The following DNAH6 variants were observed in gnomAD, a reference collection of about 807,000 sequenced individuals.
DNAH6 encodes the protein axonemal beta dynein heavy chain 6.
A neutral mutation model predicts 491.4 loss-of-function variants in DNAH6; 340 were observed. That is an observed-to-expected ratio of 0.69 (90% CI 0.63 to 0.76). DNAH6 has a LOEUF of 0.76. Among genes scored for constraint, DNAH6 ranks in the 30% least tolerant of loss-of-function variants. The pLI is 0.00. For synonymous variants in DNAH6, 1,603 were observed against 1,686.1 expected, an observed-to-expected ratio of 0.95 and a Z score of 1.21; for missense variants, 4,443 against 4,972.2, an observed-to-expected ratio of 0.89 and a Z score of 3.20.
intron 4 of DNAH6, among the ~76,000 whole-genome samples, chr2:84,536,348 G>T (rs1183495281): frequency 1.3e-5 from 2 of 152,024 alleles, no homozygotes; most frequent in Non-Finnish European, 2.9e-5. Flanking sequence ...TACGGCAGCT[G>T]CCAGGAAATA....
chr2:84,585,908 C>G (rs1683487992), intron 15 of DNAH6, among the ~76,000 whole-genome samples: 1 of 152,164 alleles, frequency 6.6e-6, no homozygotes, highest in Admixed American at 6.5e-5. Flanking sequence ...CTACACTGGT[C>G]TGTGGGACTG....
At chr2:84,735,252 G>A (rs1313841788) in intron 62 of DNAH6, among the ~76,000 whole-genome samples, 1 of 152,182 alleles carries the variant, frequency 6.6e-6, no homozygotes, top group Non-Finnish European at 1.5e-5. Flanking sequence ...TGGTTGCATA[G>A]TATTCCATGT....
In DNAH6 at chr2:84,604,314, G is replaced by T. The variant is rs796824084; in HGVS notation, c.2869-25G>T. 11 of 1,524,756 alleles carry T rather than the reference G, an allele frequency of 7.2e-6. No individual in the cohort carries two copies. In the African/African-American group the frequency reaches 9.6e-5, roughly 13 times the overall value. 94.5% of individuals were successfully genotyped at this position (1,524,756 alleles called of 1,614,324 possible). A position where few individuals can be genotyped will look rare whatever the true frequency, so the allele number is the denominator to read the frequency against. ...ATATTTTTAAGATAAAAAGCTTCAT[G>T]TCTCTGAGAGTGTTTGTTTTTCAGC... On this transcript the variant is annotated intron_variant, in intron 18 of 76. Coordinates refer to ENST00000389394, the MANE Select transcript of DNAH6 (RefSeq NM_001370.2).
rs939442575 is a variant in DNAH6 at position 84,813,927 on chromosome 2, A to G, written c.11999-44A>G. ...TGAAGGGGAATAGTGCCTGGGGAGT[A>G]GCAGTGTTGTTTGAACGCAGCTTTC... On this transcript the variant is annotated intron_variant, in intron 74 of 76. Transcript: ENST00000389394. 5 of 1,545,502 alleles carry G rather than the reference A, an allele frequency of 3.2e-6. No homozygotes were observed. The Admixed American group carries it at 9.8e-5, about 30-fold the overall frequency.
Position 84,653,876 on chromosome 2 carries a change from T to C in DNAH6, c.5634+2T>C, listed in dbSNP as rs147684586. On this transcript the variant is annotated splice_donor_variant, in intron 34 of 76. Transcript: ENST00000389394. LOFTEE classifies it high-confidence loss of function. ...CCTCAAATTCACATGCTTTTTGAGGTAAGTGTACACATTACTGTGGAGTGA... is the reference window on the plus strand; with the variant it reads ...CCTCAAATTCACATGCTTTTTGAGGCAAGTGTACACATTACTGTGGAGTGA... 177 of 1,544,584 alleles carry C rather than the reference T, an allele frequency of 1.1e-4. 1 individual carries two copies. The African/African-American group carries it at 2.1e-3, about 19-fold the overall frequency.
chr2:84,490,719 A>T, the DNAH6 span, among the ~76,000 whole-genome samples: 38 of 151,890 alleles, frequency 2.5e-4, no homozygotes, highest in Non-Finnish European at 8.8e-5. Context: ...GTGCCACCAC[A>T]CTCGGCTAAT....
At chr2:84,599,470 G>C (rs981898675) in intron 18 of DNAH6, among the ~76,000 whole-genome samples, 9 of 151,706 alleles carry the variant, frequency 5.9e-5, no homozygotes, top group Non-Finnish European at 1.3e-4. Context: ...TGTTTTCTAT[G>C]TTTAGGTATA....
intron 16 of DNAH6, among the ~76,000 whole-genome samples, chr2:84,590,826 G>A (rs1684047659): frequency 6.6e-6 from 1 of 152,170 alleles, no homozygotes; most frequent in Admixed American, 6.5e-5. Flanking sequence ...TGGCGAAGGA[G>A]GGAAAGACAG....
intron 68 of DNAH6, among the ~76,000 whole-genome samples, chr2:84,793,863 A>G (rs1052040254): frequency 6.6e-6 from 1 of 152,212 alleles, no homozygotes. Flanking sequence ...GCTGTCTTGG[A>G]AGAAATAAAT....
chr2:84,774,403 A>G (rs1338469100), intron 64 of DNAH6, among the ~76,000 whole-genome samples: 1 of 151,982 alleles, frequency 6.6e-6, no homozygotes, highest in African/African-American at 2.4e-5. Flanking sequence ...TGGGGTCTCT[A>G]TTCTATTCTA....
intron 76 of DNAH6, among the ~76,000 whole-genome samples, chr2:84,819,052 G>A (rs1680777730): frequency 6.6e-6 from 1 of 151,888 alleles, no homozygotes; most frequent in Non-Finnish European, 1.5e-5. Flanking sequence ...TCCAGCCTGG[G>A]TGATAGAGTG....
intron 10 of DNAH6, among the ~76,000 whole-genome samples, chr2:84,553,471 T>C (rs1679701046): frequency 6.9e-6 from 1 of 144,412 alleles, no homozygotes; most frequent in African/African-American, 2.6e-5. Flanking sequence ...CTTTTCTTTC[T>C]TTTTTTTTTG....
At chr2:84,762,605 A>T (rs1346079877) in intron 63 of DNAH6, 150 bp from the exon 64 acceptor site, 18 of 600,116 alleles carry the variant, frequency 3.0e-5, no homozygotes, top group Non-Finnish European at 4.4e-5. Flanking sequence ...AATCCACCAA[A>T]CAATATCTAT....
chr2:84,499,034 T>TTATCCTTTAAGC, the DNAH6 span, among the ~76,000 whole-genome samples: 1 of 350 alleles, frequency 2.9e-3, no homozygotes, highest in Non-Finnish European at 3.9e-3. Flanking sequence ...CCTCAAGCAT[T>TTATCCTTTAAGC]TGCAAACAAT....
At position 84,703,287 on chromosome 2, in the gene DNAH6, A is replaced by G. The variant is rs1469395749; in HGVS notation, c.8062-108A>G. On this transcript the variant is annotated intron_variant, in intron 49 of 76. Transcript: ENST00000389394. ...AACCTGAATTATTACAAACTGATTT[A>G]ACAATTCTGTAGACGTAAAAGTCTA... is the stretch of plus-strand genomic sequence containing the variant. The G allele has an allele frequency of 3.7e-6, 3 of 802,840 alleles. No individual in the cohort carries two copies. The African/African-American group carries it at 5.2e-5, about 14-fold the overall frequency. 49.7% of individuals were successfully genotyped at this position (802,840 alleles called of 1,614,324 possible). A position where few individuals can be genotyped will look rare whatever the true frequency, so the allele number is the denominator to read the frequency against.
In DNAH6 at chr2:84,718,309, C is replaced by T; in HGVS notation, c.9717C>T (p.Ile3239=). 1.3e-6 allele frequency: 2 copies of T among 1,551,280 alleles called. No homozygotes were observed. Among genetic ancestry groups the T allele is most frequent in the Non-Finnish European group, 1.7e-6 (2 of 1,146,794 alleles). ...KNQLKTIEEK[I]LRMLFTSEGN... ...AGTTGAAAACTATCGAAGAGAAAATCCTGAGAATGCTCTTTACCTCTGAAG... is the reference window on the plus strand; with the variant it reads ...AGTTGAAAACTATCGAAGAGAAAATTCTGAGAATGCTCTTTACCTCTGAAG... The change falls in exon 59 of 77, where the codon ATC becomes ATT. Residue 3239 remains isoleucine, a synonymous_variant. Transcript: ENST00000389394.
At chr2:84,714,032 T>A (rs1249502931) in intron 57 of DNAH6, among the ~76,000 whole-genome samples, 1 of 152,078 alleles carries the variant, frequency 6.6e-6, no homozygotes, top group Non-Finnish European at 1.5e-5. Flanking sequence ...CCATTGCCCC[T>A]CCCACCAAGC....
Position 84,819,429 on chromosome 2 carries a change from G to T in DNAH6, c.*21G>T. ...AATGAAAAGGTGCCACCTCAGCCCT[G>T]AAAAAGAACCAGGCCAGAGATCTTT... On this transcript the variant is annotated 3_prime_UTR_variant, in exon 77 of 77. Coordinates refer to ENST00000389394, the MANE Select transcript of DNAH6 (RefSeq NM_001370.2). 2 of 1,500,180 alleles carry T rather than the reference G, an allele frequency of 1.3e-6. No homozygotes were observed. Among genetic ancestry groups the T allele is most frequent in the Non-Finnish European group, 1.8e-6 (2 of 1,105,352 alleles). 92.9% of individuals were successfully genotyped at this position (1,500,180 alleles called of 1,614,324 possible). A position where few individuals can be genotyped will look rare whatever the true frequency, so the allele number is the denominator to read the frequency against.
At chr2:84,530,982 C>T (rs1677110145) in intron 4 of DNAH6, among the ~76,000 whole-genome samples, 2 of 152,010 alleles carry the variant, frequency 1.3e-5, no homozygotes, top group South Asian at 4.1e-4. Flanking sequence ...TGACATGTGC[C>T]CAAGGTAGTA....
Sources: gnomAD v4.1 joint callset for allele counts (sites outside exome capture counted in the v4.1 genomes callset) on GRCh38, gnomAD v4.1.1 for gene constraint, MANE v1.5 for transcripts, NCBI Gene and HGNC (gene_info 2026-07-23, HGNC 2026-07-21) for gene names.